The following B3GALT1 variants were observed in gnomAD, a reference collection of about 807,000 sequenced individuals.
B3GALT1 encodes the protein UDP-Gal:betaGlcNAc beta 1,3-galactosyltransferase, polypeptide 1.
In B3GALT1, 10 loss-of-function variants were observed where a neutral mutation model predicts 23.2. The ratio of observed to expected loss-of-function variants is 0.43; its 90% CI spans 0.27 to 0.73. The LOEUF (loss-of-function observed/expected upper bound fraction) is 0.73. B3GALT1 is among the 30% of genes least tolerant of loss of function. B3GALT1 has a pLI of 0.21. For synonymous variants in B3GALT1, 156 were observed against 141.5 expected (o/e 1.10, Z -0.73); for missense variants, 299 against 405.4 (o/e 0.74, Z 2.25).
At chr2:167,841,540 G>A (rs1689649227) in intron 4 of B3GALT1, among the ~76,000 whole-genome samples, 1 of 152,164 alleles carries the variant, frequency 6.6e-6, no homozygotes, top group Non-Finnish European at 1.5e-5. Flanking sequence ...AGCAAACCTG[G>A]CTGCAATGAT....
intron 1 of B3GALT1, among the ~76,000 whole-genome samples, chr2:167,397,216 C>T (rs1698113351): frequency 6.6e-6 from 1 of 151,282 alleles, no homozygotes; most frequent in Non-Finnish European, 1.5e-5. Context: ...TCATTCTTCC[C>T]TCTCTCTCCT....
intron 2 of B3GALT1, among the ~76,000 whole-genome samples, chr2:167,540,541 A>G (rs1683517724): frequency 6.6e-6 from 1 of 152,108 alleles, no homozygotes; most frequent in Non-Finnish European, 1.5e-5. Flanking sequence ...ACTATGTACC[A>G]TGCTTCTTCT....
intron 2 of B3GALT1, among the ~76,000 whole-genome samples, chr2:167,506,103 G>A (rs935618771): frequency 5.3e-5 from 8 of 151,932 alleles, no homozygotes; most frequent in Non-Finnish European, 1.2e-4. Context: ...CATGGTTCAA[G>A]CAACACAACT....
intron 2 of B3GALT1, among the ~76,000 whole-genome samples, chr2:167,530,868 T>C (rs1246112873): frequency 1.3e-5 from 2 of 152,118 alleles, no homozygotes; most frequent in African/African-American, 2.4e-5. Context: ...TCTGGGGAAA[T>C]AGAAAATTAC....
chr2:167,361,206 C>A (rs1697494202), intron 1 of B3GALT1, among the ~76,000 whole-genome samples: 1 of 138,680 alleles, frequency 7.2e-6, no homozygotes, highest in Non-Finnish European at 1.5e-5. Context: ...CTGATTTCCC[C>A]CACTAGTTTT....
chr2:167,609,564 T>C (rs923807179), intron 2 of B3GALT1, among the ~76,000 whole-genome samples: 1 of 152,136 alleles, frequency 6.6e-6, no homozygotes, highest in South Asian at 2.1e-4. Context: ...TTCCAGTGGT[T>C]GTTACATACT....
intron 2 of B3GALT1, among the ~76,000 whole-genome samples, chr2:167,554,419 G>A (rs1683807131): frequency 6.6e-6 from 1 of 152,188 alleles, no homozygotes; most frequent in Non-Finnish European, 1.5e-5. Flanking sequence ...AATGGTGGAT[G>A]AACCAGCGGT....
chr2:167,772,990 A>G (rs916131736), intron 3 of B3GALT1, among the ~76,000 whole-genome samples: 2 of 152,212 alleles, frequency 1.3e-5, no homozygotes, highest in African/African-American at 4.8e-5. Flanking sequence ...TGGGCTTCAT[A>G]AGGAAAGGAA....
chr2:167,434,607 C>T (rs1348477678), intron 1 of B3GALT1, among the ~76,000 whole-genome samples: 1 of 151,710 alleles, frequency 6.6e-6, no homozygotes, highest in African/African-American at 2.4e-5. Context: ...TAAATCGTCC[C>T]CAGTTTATAT....
At chr2:167,675,936 G>A (rs1315679044) in intron 3 of B3GALT1, among the ~76,000 whole-genome samples, 1 of 151,072 alleles carries the variant, frequency 6.6e-6, no homozygotes, top group Non-Finnish European at 1.5e-5. Context: ...CTCCATTTTG[G>A]TGACTACCAA....
intron 3 of B3GALT1, among the ~76,000 whole-genome samples, chr2:167,687,983 GT>G (rs1223420012): frequency 1.3e-5 from 2 of 152,002 alleles, no homozygotes; most frequent in African/African-American, 4.8e-5. Flanking sequence ...TTTGAGGTCT[GT>G]TCTTAACTTT....
intron 3 of B3GALT1, among the ~76,000 whole-genome samples, chr2:167,817,099 A>C (rs914340524): frequency 1.3e-5 from 2 of 152,180 alleles, no homozygotes; most frequent in Non-Finnish European, 2.9e-5. Context: ...CAATTGAACA[A>C]ATGACAAGGC....
At chr2:167,598,408 A>G (rs961387226) in intron 2 of B3GALT1, among the ~76,000 whole-genome samples, 3 of 152,166 alleles carry the variant, frequency 2.0e-5, no homozygotes, top group African/African-American at 7.2e-5. Context: ...AAAATCAGGG[A>G]GACAGCCAAT....
At chr2:167,592,041 T>C (rs977533022) in intron 2 of B3GALT1, among the ~76,000 whole-genome samples, 1 of 152,064 alleles carries the variant, frequency 6.6e-6, no homozygotes, top group Non-Finnish European at 1.5e-5. Flanking sequence ...GTACTGATGA[T>C]AGTGATAAGG....
chr2:167,741,123 T>C (rs1278810215), intron 3 of B3GALT1, among the ~76,000 whole-genome samples: 2 of 152,216 alleles, frequency 1.3e-5, no homozygotes, highest in Non-Finnish European at 2.9e-5. Context: ...CTGTAGCCTC[T>C]GGTGTTGTTG....
intron 1 of B3GALT1, among the ~76,000 whole-genome samples, chr2:167,481,443 G>A (rs2105336464): frequency 6.7e-6 from 1 of 148,250 alleles, no homozygotes; most frequent in East Asian, 1.9e-4. Flanking sequence ...CTTAAATAAT[G>A]TTCCTCCGTT....
At chr2:167,518,804 C>T (rs761229762) in intron 2 of B3GALT1, among the ~76,000 whole-genome samples, 2 of 152,146 alleles carry the variant, frequency 1.3e-5, no homozygotes, top group Non-Finnish European at 2.9e-5. Flanking sequence ...AAACTTTATC[C>T]TTACCCCAGG....
rs558713098 is a variant in B3GALT1, at chr2:167,645,692, T to G, written c.-409-1217T>G. Among the ~76,000 whole-genome samples the G allele has an allele frequency of 1.5e-4, 22 of 150,504 alleles. No homozygotes were observed. In the East Asian group the frequency reaches 4.0e-3, roughly 28 times the overall value. ...AAGCAATTCTCCTGCCTCAACCTCCTGAGTAGGCGGGATTACAGGCATGAG... is the reference window on the plus strand; with the variant it reads ...AAGCAATTCTCCTGCCTCAACCTCCGGAGTAGGCGGGATTACAGGCATGAG... On this transcript the variant is annotated intron_variant, in intron 2 of 4. Transcript: ENST00000392690.
At chr2:167,836,231 G>A (rs1274770234) in intron 4 of B3GALT1, among the ~76,000 whole-genome samples, 3 of 152,006 alleles carry the variant, frequency 2.0e-5, no homozygotes, top group Non-Finnish European at 4.4e-5. Flanking sequence ...CAAACTACAA[G>A]CTACAGGAGG....
Sources: gnomAD v4.1 joint callset for allele counts (sites outside exome capture counted in the v4.1 genomes callset) on GRCh38, gnomAD v4.1.1 for gene constraint, MANE v1.5 for transcripts, NCBI Gene and HGNC (gene_info 2026-07-23, HGNC 2026-07-21) for gene names.